PPHLN1: variants seen among roughly 807,000 people sequenced by gnomAD.
The protein encoded by PPHLN1 is periphilin-1.
In PPHLN1, 29 loss-of-function variants were observed where a neutral mutation model predicts 51.3. That is an observed-to-expected ratio of 0.57 (90% CI 0.42 to 0.77). The LOEUF is 0.77. PPHLN1 is among the 30% of genes least tolerant of loss of function. The pLI is 0.00. For synonymous variants in PPHLN1, 147 were observed against 147.8 expected (o/e 0.99, Z 0.04); for missense variants, 436 against 438.4 (o/e 0.99, Z 0.05).
At chr12:42,337,748 C>G (rs1394103845) in intron 2 of PPHLN1, among the ~76,000 whole-genome samples, 2 of 116,840 alleles carry the variant, frequency 1.7e-5, no homozygotes, top group African/African-American at 3.4e-5. Context: ...CCATACCTGG[C>G]TATTTTTATT....
At chr12:42,331,804 A>G (rs1014460481) in intron 1 of PPHLN1, 5 of 152,204 alleles carry the variant, frequency 3.3e-5, no homozygotes, top group African/African-American at 1.2e-4. Flanking sequence ...CTGGAGTACC[A>G]TCGAAACTGC....
chr12:42,365,066 A>G (rs537592710), intron 4 of PPHLN1, among the ~76,000 whole-genome samples: 2 of 152,308 alleles, frequency 1.3e-5, no homozygotes, highest in South Asian at 4.1e-4. Flanking sequence ...CCAAACTTCT[A>G]ATCTGAACTC....
chr12:42,387,625 C>A, intron 7 of PPHLN1, 90 bp downstream of exon 7: 1 of 1,444,458 alleles, frequency 6.9e-7, no homozygotes, highest in Non-Finnish European at 9.2e-7. Context: ...TACTGTTATG[C>A]CAAGGGAGCT....
chr12:42,409,444 A>G (rs1270560625), intron 9 of PPHLN1, among the ~76,000 whole-genome samples: 1 of 152,154 alleles, frequency 6.6e-6, no homozygotes, highest in Non-Finnish European at 1.5e-5. Flanking sequence ...TTTTGTACAG[A>G]TGTCTTTTAA....
intron 5 of PPHLN1, 117 bp downstream of exon 5, chr12:42,375,191 AT>A (rs2076151239): frequency 9.8e-6 from 8 of 818,678 alleles, no homozygotes; most frequent in African/African-American, 1.7e-5. Context: ...ATTTTGAAAA[AT>A]TTCAAACTTA....
intron 1 of PPHLN1, among the ~76,000 whole-genome samples, chr12:42,335,645 C>T (rs1378115464): frequency 3.4e-5 from 5 of 146,440 alleles, no homozygotes; most frequent in Admixed American, 2.7e-4. Flanking sequence ...CTCTTTGAAG[C>T]TTTAAATAGT....
intron 9 of PPHLN1, among the ~76,000 whole-genome samples, chr12:42,414,068 C>T (rs1237098748): frequency 1.3e-5 from 2 of 151,740 alleles, no homozygotes; most frequent in Non-Finnish European, 1.5e-5. Context: ...CAGTGTTTCA[C>T]TCTTGTTGCT....
chr12:42,442,446 G>A (rs1195751857), downstream of PPHLN1, among the ~76,000 whole-genome samples: 12 of 152,194 alleles, frequency 7.9e-5, 1 homozygote, highest in Non-Finnish European at 1.5e-5. Context: ...GCAAAGGGGG[G>A]CGACAATGTT....
At chr12:42,423,851 A>G (rs148645437) in intron 9 of PPHLN1, among the ~76,000 whole-genome samples, 2,180 of 151,942 alleles carry the variant, frequency 0.014, 62 homozygotes, top group African/African-American at 0.049. Context: ...TAATTTTTAC[A>G]TTTTTAGTAG....
At chr12:42,386,224 TCTA>T (rs1297977864) in intron 6 of PPHLN1, among the ~76,000 whole-genome samples, 1 of 152,350 alleles carries the variant, frequency 6.6e-6, no homozygotes, top group Admixed American at 6.5e-5. Flanking sequence ...ATCCCTGTCT[TCTA>T]CTAAATATAT....
intron 2 of PPHLN1, among the ~76,000 whole-genome samples, chr12:42,342,941 C>G (rs951270437): frequency 6.6e-6 from 1 of 152,174 alleles, no homozygotes; most frequent in Non-Finnish European, 1.5e-5. Context: ...GTTTATTTCT[C>G]TCTCCTAGAG....
At chr12:42,344,922 C>T (rs1407324431) in intron 2 of PPHLN1, among the ~76,000 whole-genome samples, 2 of 151,978 alleles carry the variant, frequency 1.3e-5, no homozygotes, top group African/African-American at 4.8e-5. Context: ...GTTAGCCAGG[C>T]TGGTCTCGAA....
intron 9 of PPHLN1, among the ~76,000 whole-genome samples, chr12:42,412,749 A>G (rs1458662477): frequency 6.6e-6 from 1 of 152,216 alleles, no homozygotes; most frequent in Non-Finnish European, 1.5e-5. Context: ...CCAGCTGAGT[A>G]AAAGTATTCC....
intron 2 of PPHLN1, among the ~76,000 whole-genome samples, chr12:42,339,757 A>G (rs11181433): frequency 0.14 from 21,185 of 152,178 alleles, 1,594 homozygotes; most frequent in East Asian, 0.2. Context: ...TGTAATTTCA[A>G]AGTAGTGATG....
chr12:42,385,864 G>A (rs183649119), intron 6 of PPHLN1, among the ~76,000 whole-genome samples: 1 of 152,302 alleles, frequency 6.6e-6, no homozygotes, highest in Non-Finnish European at 1.5e-5. Flanking sequence ...GGAGCTTTTG[G>A]TGTAATGGGA....
At chr12:42,408,980 T>C (rs1186330593) in intron 9 of PPHLN1, among the ~76,000 whole-genome samples, 1 of 152,134 alleles carries the variant, frequency 6.6e-6, no homozygotes, top group East Asian at 1.9e-4. Flanking sequence ...CATACATATT[T>C]AAGATAAAGT....
In PPHLN1 at chr12:42,326,515, A is replaced by G. The variant is rs117901367; in HGVS notation, c.-21+286A>G. On this transcript the variant is annotated intron_variant, in intron 1 of 9. Transcript: ENST00000358314. ...CCCGAGAGGAGTCAGGAAGTCGGTAATTTTACTGAAGGTGTTCACGGTACC... is the reference window on the plus strand; with the variant it reads ...CCCGAGAGGAGTCAGGAAGTCGGTAGTTTTACTGAAGGTGTTCACGGTACC... Among the ~76,000 whole-genome samples, 519 of 152,260 alleles carry G rather than the reference A, an allele frequency of 3.4e-3. 21 individuals are homozygous for G. The East Asian group carries it at 0.063, about 18-fold the overall frequency.
chr12:42,360,495 G>T (rs1353082611), intron 4 of PPHLN1, among the ~76,000 whole-genome samples: 2 of 98,180 alleles, frequency 2.0e-5, no homozygotes, highest in Admixed American at 1.5e-4. Flanking sequence ...TTTGAGATGA[G>T]GTCTCACTCT....
intron 9 of PPHLN1, among the ~76,000 whole-genome samples, chr12:42,437,986 C>T (rs1012268463): frequency 3.3e-5 from 5 of 151,994 alleles, no homozygotes; most frequent in African/African-American, 9.7e-5. Flanking sequence ...AAGATTCTTT[C>T]GTGTCATTTT....
Sources: allele counts gnomAD v4.1 joint callset (sites outside exome capture counted in the v4.1 genomes callset), GRCh38; gene constraint gnomAD v4.1.1; transcripts MANE v1.5; gene names NCBI Gene and HGNC (gene_info 2026-07-23, HGNC 2026-07-21).